Variants in GTF2IRD1 observed in about 807,000 individuals in gnomAD.
GTF2IRD1 encodes GTF2I repeat domain containing 1, also known as general transcription factor II-I repeat domain-containing protein 1.
Under a neutral mutation model 113.2 loss-of-function variants are expected in GTF2IRD1, and 26 were observed. The observed-to-expected ratio is 0.23, with a 90% confidence interval of 0.17 to 0.32. The LOEUF (loss-of-function observed/expected upper bound fraction) is 0.32. Ranked by LOEUF, GTF2IRD1 falls within the 10% of genes least tolerant of loss-of-function variation. GTF2IRD1 has a pLI of 1.00. For missense variants in GTF2IRD1, 864 were observed against 1,280.8 expected (o/e 0.67, Z 4.97); for synonymous variants, 484 against 529.1 (o/e 0.91, Z 1.17).
intron 26 of GTF2IRD1, 120 bp from the exon 27 acceptor site, chr7:74,602,245 A>G: frequency 7.8e-7 from 1 of 1,274,840 alleles, no homozygotes; most frequent in South Asian, 1.9e-5. Flanking sequence ...CCATCTCAAA[A>G]AAATAAAAAA....
At chr7:74,499,107 C>T (rs1442796217) in intron 1 of GTF2IRD1, among the ~76,000 whole-genome samples, 1 of 152,204 alleles carries the variant, frequency 6.6e-6, no homozygotes, top group African/African-American at 2.4e-5. Context: ...AGAGCAGCCT[C>T]TTGGTAGGTG....
rs1491121434 is a variant in GTF2IRD1, at chr7:74,566,037, A to ACACACACACACC, written c.2320+6383_2320+6384insACACACACACCC. On this transcript the variant is annotated intron_variant, in intron 22 of 26. Coordinates refer to ENST00000424337, the MANE Select transcript of GTF2IRD1 (RefSeq NM_005685.4). ...CACACACACACACACACACACACAC[A>ACACACACACACC]CCCTAAAGAGAAATGCAAATATATG... 2.0e-3 allele frequency among the ~76,000 whole-genome samples: 301 copies of ACACACACACACC among 151,016 alleles called. 1 individual carries two copies. Among genetic ancestry groups the ACACACACACACC allele is most frequent in the African/African-American group, 7.2e-3 (295 of 41,118 alleles).
At chr7:74,592,091 T>G (rs1162834083) in intron 24 of GTF2IRD1, among the ~76,000 whole-genome samples, 1 of 151,922 alleles carries the variant, frequency 6.6e-6, no homozygotes, top group East Asian at 1.9e-4. Flanking sequence ...AATTATTATT[T>G]TATTAATATA....
intron 14 of GTF2IRD1, among the ~76,000 whole-genome samples, chr7:74,541,604 TTAAAA>T (rs1235156965): frequency 6.6e-6 from 1 of 151,898 alleles, no homozygotes; most frequent in African/African-American, 2.4e-5. Context: ...AGACCCTATC[TTAAAA>T]TAAATAAATA....
intron 22 of GTF2IRD1, among the ~76,000 whole-genome samples, chr7:74,567,104 C>T (rs1461124318): frequency 6.6e-6 from 1 of 151,888 alleles, no homozygotes; most frequent in African/African-American, 2.4e-5. Context: ...CTGAGGCAGG[C>T]GGATCACAAG....
In GTF2IRD1 at chr7:74,476,636, G is replaced by A. The variant is rs528250920; in HGVS notation, c.-7+22460G>A. Among the ~76,000 whole-genome samples, 6 of 151,920 alleles carry A rather than the reference G, an allele frequency of 3.9e-5. No individual in the cohort carries two copies. The East Asian group carries it at 9.7e-4, about 25-fold the overall frequency. Reference sequence around the variant, plus strand: ...GCCTCTGAACCTCCCAGATTTCATCGGTTCCCCACCGTACTCTCCTGCCTC... The same window carrying A: ...GCCTCTGAACCTCCCAGATTTCATCAGTTCCCCACCGTACTCTCCTGCCTC... On this transcript the variant is annotated intron_variant, in intron 1 of 26. Coordinates refer to ENST00000424337, the MANE Select transcript of GTF2IRD1 (RefSeq NM_005685.4).
Position 74,563,470 on chromosome 7 carries a change from G to A in GTF2IRD1, c.2320+3815G>A, listed in dbSNP as rs145295985. 7.9e-5 allele frequency among the ~76,000 whole-genome samples: 12 copies of A among 151,954 alleles called. No individual in the cohort carries two copies. In the Middle Eastern group the frequency reaches 0.02, roughly 258 times the overall value. On this transcript the variant is annotated intron_variant, in intron 22 of 26. Transcript: ENST00000424337. The stretch of plus-strand genomic sequence containing the variant: ...CGGGTGCCTCTAATCCCAGCTACTC[G>A]GGAGGCTGAGGCAGGAGAATCGCTT...
chr7:74,601,400 T>A lies in GTF2IRD1; in HGVS notation c.2766+220T>A, dbSNP rs1352896047. ...GTACTCACAGGCACTCAGGCAGGAATTCACATCCTCGCTGGGCAGATGGGC... is the reference window on the plus strand; with the variant it reads ...GTACTCACAGGCACTCAGGCAGGAAATCACATCCTCGCTGGGCAGATGGGC... On this transcript the variant is annotated intron_variant, in intron 26 of 26. Transcript: ENST00000424337. 2.0e-6 allele frequency: 3 copies of A among 1,495,842 alleles called. No individual in the cohort carries two copies. In the African/African-American group the frequency reaches 4.1e-5, roughly 21 times the overall value. The allele number at this position is 1,495,842 out of a possible 1,614,324, so 92.7% of individuals were successfully genotyped here.
chr7:74,510,144 A>T (rs1562817741), intron 2 of GTF2IRD1, among the ~76,000 whole-genome samples: 1 of 152,012 alleles, frequency 6.6e-6, no homozygotes, highest in Non-Finnish European at 1.5e-5. Context: ...CACTCTCTCC[A>T]TGATGACCCC....
intron 8 of GTF2IRD1, 60 bp downstream of exon 8, chr7:74,524,214 G>A (rs1358061773): frequency 1.1e-5 from 13 of 1,181,342 alleles, no homozygotes; most frequent in East Asian, 2.5e-5. Context: ...ATCTCATTAC[G>A]TGGCAATCAC....
At chr7:74,582,944 C>T (rs1340386019) in intron 22 of GTF2IRD1, among the ~76,000 whole-genome samples, 8 of 151,842 alleles carry the variant, frequency 5.3e-5, no homozygotes, top group Non-Finnish European at 8.8e-5. Context: ...AGCTACTGCA[C>T]TCCAGCCTGA....
chr7:74,529,169 G>A (rs1360794972), intron 8 of GTF2IRD1, among the ~76,000 whole-genome samples: 1 of 152,156 alleles, frequency 6.6e-6, no homozygotes, highest in Non-Finnish European at 1.5e-5. Flanking sequence ...ACAGAGGCAT[G>A]AAGGGGGCAG....
intron 1 of GTF2IRD1, among the ~76,000 whole-genome samples, chr7:74,456,041 T>C (rs1466345026): frequency 6.6e-6 from 1 of 152,222 alleles, no homozygotes; most frequent in Non-Finnish European, 1.5e-5. Flanking sequence ...AGTATGCTAA[T>C]CACAAATAAT....
At chr7:74,486,445 G>A (rs1451014387) in intron 1 of GTF2IRD1, among the ~76,000 whole-genome samples, 2 of 152,182 alleles carry the variant, frequency 1.3e-5, no homozygotes, top group Admixed American at 1.3e-4. Context: ...CACCAGGCAG[G>A]GCATAGGGAG....
intron 10 of GTF2IRD1, among the ~76,000 whole-genome samples, chr7:74,535,469 C>A (rs1798238336): frequency 6.6e-6 from 1 of 152,190 alleles, no homozygotes; most frequent in East Asian, 1.9e-4. Flanking sequence ...TTCCAACAAT[C>A]CTATGAAGGT....
At chr7:74,599,644 A>G (rs949000309) in intron 25 of GTF2IRD1, among the ~76,000 whole-genome samples, 2 of 152,156 alleles carry the variant, frequency 1.3e-5, no homozygotes, top group Non-Finnish European at 2.9e-5. Context: ...CTCTCCACTC[A>G]GGACCACCAT....
At position 74,590,851 on chromosome 7, in the gene GTF2IRD1, G is replaced by A; in HGVS notation, c.2425G>A (p.Val809Met). 2.5e-6 allele frequency: 4 copies of A among 1,611,746 alleles called. No homozygotes were observed. The highest frequency in any genetic ancestry group is 2.5e-6 in the Non-Finnish European group (3 of 1,178,598). ...TGAGGCCCTGGGCCTGAACCGGCCGGTGCTGGTCCCTTATAAACTAATCCG... is the reference window on the plus strand; with the variant it reads ...TGAGGCCCTGGGCCTGAACCGGCCGATGCTGGTCCCTTATAAACTAATCCG... The part of the protein sequence containing the change: ...YGEALGLNRP[V>M]LVPYKLIRDS... Residue 809 changes from valine (V) to methionine (M), a missense_variant, in exon 24 of 27, where the codon GTG becomes ATG. Val to Met is a conservative substitution (Grantham distance 21). Transcript: ENST00000424337.
chr7:74,512,624 A>AG lies in GTF2IRD1; in HGVS notation c.124-206_124-205insG, dbSNP rs3216483. ...GAGCAGAGGACACTTGTCCTCCTCC[A>AG]CCCCCCATCGCCAATGCCTGCAGGG... On this transcript the variant is annotated intron_variant, in intron 2 of 26. Transcript: ENST00000424337. This position sits in a 1 kb window ranked among gnomAD's most constrained non-coding sequence, Gnocchi z 4.4. 0.11 allele frequency among the ~76,000 whole-genome samples: 17,080 copies of AG among 151,958 alleles called. 2,391 individuals are homozygous for AG. Among genetic ancestry groups the AG allele is most frequent in the East Asian group, 0.39 (1,988 of 5,132 alleles).
intron 19 of GTF2IRD1, 118 bp from the exon 20 acceptor site, chr7:74,557,521 A>G (rs587707982): frequency 6.0e-6 from 4 of 667,532 alleles, no homozygotes; most frequent in South Asian, 1.9e-5. Context: ...GCCCACTCCA[A>G]AGATCCTTTA....
Sources: allele counts gnomAD v4.1 joint callset (sites outside exome capture counted in the v4.1 genomes callset), GRCh38; gene constraint gnomAD v4.1.1; non-coding constraint Gnocchi (gnomAD v3.1); transcripts MANE v1.5; gene names NCBI Gene and HGNC (gene_info 2026-07-23, HGNC 2026-07-21).